Variants in SLC5A4 observed in about 807,000 individuals in gnomAD.
The protein encoded by SLC5A4 is probable glucose sensor protein SLC5A4.
Under a neutral mutation model 70.3 loss-of-function variants are expected in SLC5A4, and 55 were observed. The observed-to-expected ratio is 0.78, with a 90% confidence interval of 0.63 to 0.98. The LOEUF is 0.98. Among genes scored for constraint, SLC5A4 ranks in the 50% least tolerant of loss-of-function variants. The probability of loss-of-function intolerance (pLI) is 0.00; values close to 1 mark genes in which losing one functional copy is unlikely to be tolerated. For missense variants in SLC5A4, 735 were observed against 839.2 expected, an observed-to-expected ratio of 0.88 and a Z score of 1.53; for synonymous variants, 268 against 305.7, an observed-to-expected ratio of 0.88 and a Z score of 1.29.
the SLC5A4 span, among the ~76,000 whole-genome samples, chr22:32,310,087 G>A: frequency 1.3e-5 from 2 of 150,324 alleles, no homozygotes; most frequent in Non-Finnish European, 3.0e-5. Flanking sequence ...GGGATGGGGG[G>A]GGTGGCAGAA....
At chr22:32,275,169 G>T in the SLC5A4 span, among the ~76,000 whole-genome samples, 1 of 152,126 alleles carries the variant, frequency 6.6e-6, no homozygotes, top group African/African-American at 2.4e-5. Context: ...ATCGACTCTT[G>T]ATTAATTGAA....
chr22:32,247,623 C>T lies in SLC5A4; in HGVS notation c.373-108G>A, dbSNP rs1015232445. On this transcript the variant is annotated intron_variant, in intron 4 of 14. Coordinates refer to ENST00000266086, the MANE Select transcript of SLC5A4 (RefSeq NM_014227.3). The stretch of plus-strand genomic sequence containing the variant: ...GTGAGTGAAAGTCCTGTGTGTGGCC[C>T]CTTCCTGGTGATGGAACCATGGCTT... 3 of 723,488 alleles carry T rather than the reference C, an allele frequency of 4.1e-6. No homozygotes were observed. The African/African-American group carries it at 5.2e-5, about 13-fold the overall frequency. 44.8% of individuals were successfully genotyped at this position (723,488 alleles called of 1,614,324 possible).
upstream of SLC5A4, among the ~76,000 whole-genome samples, chr22:32,258,583 A>T (rs1446207929): frequency 6.6e-6 from 1 of 152,206 alleles, no homozygotes; most frequent in African/African-American, 2.4e-5. Flanking sequence ...AAAGAAAAAA[A>T]AGACAAGTAT....
the SLC5A4 span, among the ~76,000 whole-genome samples, chr22:32,276,261 T>C: frequency 6.6e-6 from 1 of 152,242 alleles, no homozygotes; most frequent in Non-Finnish European, 1.5e-5. Context: ...ATATTTTGTA[T>C]AAAGTCTGTA....
At chr22:32,313,533 G>C in the SLC5A4 span, among the ~76,000 whole-genome samples, 1 of 152,232 alleles carries the variant, frequency 6.6e-6, no homozygotes, top group Non-Finnish European at 1.5e-5. Flanking sequence ...GAATAGGGAA[G>C]AGCCAGGAGA....
At position 32,232,977 on chromosome 22, in the gene SLC5A4, T is replaced by C. The variant is rs199595781; in HGVS notation, c.943A>G (p.Ile315Val). The change falls in exon 9 of 15, where the codon ATT becomes GTT. Residue 315 changes from isoleucine (I) to valine (V), a missense_variant. Physicochemically the swap from Ile to Val is conservative, Grantham distance 29 (BLOSUM62 3). Coordinates refer to ENST00000266086, the MANE Select transcript of SLC5A4 (RefSeq NM_014227.3). ...KDMSHVKAACIMCAYLKLLPM... is the reference protein window; with the variant it reads ...KDMSHVKAACVMCAYLKLLPM... ...AGCAGCTTCAGGTAAGCACACATAA[T>C]GCAAGCGGCCTTCACGTGAGACATG... is the stretch of plus-strand genomic sequence containing the variant. 35 of 1,614,142 alleles carry C rather than the reference T, an allele frequency of 2.2e-5. No homozygotes were observed. The highest frequency in any genetic ancestry group is 2.6e-5 in the Non-Finnish European group (31 of 1,180,006).
the SLC5A4 span, among the ~76,000 whole-genome samples, chr22:32,282,174 A>G: frequency 6.6e-6 from 1 of 152,104 alleles, no homozygotes. Flanking sequence ...TCTGGATAGC[A>G]AAGCTCTTTG....
intron 4 of SLC5A4, among the ~76,000 whole-genome samples, 164 bp from the exon 5 acceptor site, chr22:32,247,679 C>T (rs751264376): frequency 2.6e-5 from 4 of 152,196 alleles, no homozygotes; most frequent in African/African-American, 9.7e-5. Context: ...TGATGCCATG[C>T]ACAGTGACTG....
chr22:32,315,926 T>C, the SLC5A4 span, among the ~76,000 whole-genome samples: 8 of 151,790 alleles, frequency 5.3e-5, no homozygotes, highest in Admixed American at 1.3e-4. Flanking sequence ...CTCAGCACTT[T>C]GGGAGGCCAA....
chr22:32,347,897 A>C, the SLC5A4 span, among the ~76,000 whole-genome samples: 1 of 151,516 alleles, frequency 6.6e-6, no homozygotes, highest in African/African-American at 2.4e-5. Context: ...ATAACTATAA[A>C]ATTACCCACA....
chr22:32,300,894 A>C, the SLC5A4 span, among the ~76,000 whole-genome samples: 8 of 152,214 alleles, frequency 5.3e-5, no homozygotes, highest in Non-Finnish European at 1.2e-4. Flanking sequence ...TTTTGTGTGA[A>C]CATTAGTTTT....
At chr22:32,353,487 A>G in the SLC5A4 span, among the ~76,000 whole-genome samples, 1 of 152,034 alleles carries the variant, frequency 6.6e-6, no homozygotes, top group Non-Finnish European at 1.5e-5. Flanking sequence ...GCCGCGCTCC[A>G]GCAGGAGGAG....
the SLC5A4 span, among the ~76,000 whole-genome samples, chr22:32,348,683 G>A: frequency 9.9e-5 from 15 of 151,994 alleles, no homozygotes; most frequent in East Asian, 7.7e-4. Context: ...TAAGATTTTC[G>A]TAACTATTTA....
the SLC5A4 span, among the ~76,000 whole-genome samples, chr22:32,290,559 C>G: frequency 1.3e-5 from 2 of 152,152 alleles, no homozygotes; most frequent in African/African-American, 4.8e-5. Flanking sequence ...TTTTTCATAA[C>G]AATTTCCTTT....
the SLC5A4 span, among the ~76,000 whole-genome samples, chr22:32,338,638 C>T: frequency 6.6e-6 from 1 of 152,222 alleles, no homozygotes. Flanking sequence ...CACTGCACTC[C>T]AGCCTGGGCG....
At chr22:32,275,115 CTG>C in the SLC5A4 span, among the ~76,000 whole-genome samples, 2 of 151,974 alleles carry the variant, frequency 1.3e-5, no homozygotes, top group East Asian at 3.9e-4. Context: ...ATGGCTCTCT[CTG>C]TGTCTGAAAA....
At chr22:32,232,144 T>C (rs1163119132) in intron 9 of SLC5A4, among the ~76,000 whole-genome samples, 1 of 152,146 alleles carries the variant, frequency 6.6e-6, no homozygotes, top group East Asian at 1.9e-4. Flanking sequence ...GCCTCCCAAG[T>C]GGGTGAGGTT....
chr22:32,237,630 A>G (rs1926141154), intron 6 of SLC5A4, among the ~76,000 whole-genome samples: 2 of 152,234 alleles, frequency 1.3e-5, no homozygotes, highest in Admixed American at 1.3e-4. Flanking sequence ...TTCTCTTAAC[A>G]ATCCCTCAAT....
intron 11 of SLC5A4, among the ~76,000 whole-genome samples, chr22:32,226,538 A>C (rs567291957): frequency 7.2e-4 from 109 of 152,346 alleles, no homozygotes; most frequent in African/African-American, 2.6e-3. Context: ...TTTGGGCAGG[A>C]GACTGAAGCA....
Sources: gnomAD v4.1 joint callset for allele counts (sites outside exome capture counted in the v4.1 genomes callset) on GRCh38, gnomAD v4.1.1 for gene constraint, MANE v1.5 for transcripts, NCBI Gene and HGNC (gene_info 2026-07-23, HGNC 2026-07-21) for gene names.